CCDC88C: variants seen among roughly 807,000 people sequenced by gnomAD.
The protein encoded by CCDC88C is coiled-coil and HOOK domain protein 88C.
A neutral mutation model predicts 198.8 loss-of-function variants in CCDC88C; 131 were observed. That is an observed-to-expected ratio of 0.66 (90% CI 0.57 to 0.76). The LOEUF (loss-of-function observed/expected upper bound fraction) is 0.76, where lower values mean the gene tolerates loss of function less well. Ranked by LOEUF, CCDC88C falls within the 30% of genes least tolerant of loss-of-function variation. The pLI is 0.00. For synonymous variants in CCDC88C, 1,166 were observed against 1,114.7 expected (o/e 1.05, Z -0.92); for missense variants, 2,553 against 2,631.6 (o/e 0.97, Z 0.65).
At chr14:91,378,839 G>A (rs776699598) in intron 3 of CCDC88C, 21 of 152,206 alleles carry the variant, frequency 1.4e-4, no homozygotes, top group Non-Finnish European at 2.9e-4. Context: ...TTGGACAGCT[G>A]TATAATATTC....
chr14:91,275,604 A>G (rs546842283), intron 29 of CCDC88C, among the ~76,000 whole-genome samples: 1 of 147,568 alleles, frequency 6.8e-6, no homozygotes, highest in Non-Finnish European at 1.5e-5. Flanking sequence ...CAACCTCCCG[A>G]GTAGCTGGGA....
intron 4 of CCDC88C, among the ~76,000 whole-genome samples, chr14:91,350,562 AT>A (rs1893740302): frequency 6.6e-6 from 1 of 152,196 alleles, no homozygotes; most frequent in South Asian, 2.1e-4. Flanking sequence ...GCAGGCAAGC[AT>A]CCCTTTCCCT....
chr14:91,379,611 C>T (rs535439939), intron 3 of CCDC88C: 5 of 569,676 alleles, frequency 8.8e-6, no homozygotes, highest in South Asian at 6.7e-5. Context: ...GGGACGCTGA[C>T]GGTGCCTCCT....
At chr14:91,411,101 A>C (rs962625349) in intron 2 of CCDC88C, among the ~76,000 whole-genome samples, 1 of 152,198 alleles carries the variant, frequency 6.6e-6, no homozygotes, top group Non-Finnish European at 1.5e-5. Flanking sequence ...ACTTACCGTG[A>C]TTATTACGAC....
Position 91,281,497 on chromosome 14 carries a change from C to A in CCDC88C, c.4659G>T (p.Glu1553Asp). The change falls in exon 27 of 30, where the codon GAG becomes GAT. Residue 1553 changes from glutamate (E) to aspartate (D), a missense_variant. Glu to Asp is a conservative substitution (Grantham distance 45, BLOSUM62 2). Coordinates refer to ENST00000389857, the MANE Select transcript of CCDC88C (RefSeq NM_001080414.4). ...KGYNSDDNLC[E>D]PSLEFEVPNH... ...TGGGGACCTCAAACTCCAGGGATGG[C>A]TCACAGAGGTTGTCATCTGAGTTAT... 6.2e-7 allele frequency: 1 copy of A among 1,613,964 alleles called. No individual in the cohort carries two copies. The highest frequency in any genetic ancestry group is 8.5e-7 in the Non-Finnish European group (1 of 1,179,860).
intron 3 of CCDC88C, among the ~76,000 whole-genome samples, chr14:91,394,025 G>C (rs1885688593): frequency 6.6e-6 from 1 of 152,330 alleles, no homozygotes; most frequent in East Asian, 1.9e-4. Flanking sequence ...ACGTAAATCT[G>C]ACTTGCTGGG....
chr14:91,405,645 C>T (rs141077706), intron 3 of CCDC88C, among the ~76,000 whole-genome samples: 45 of 152,284 alleles, frequency 3.0e-4, no homozygotes, highest in African/African-American at 9.6e-4. Flanking sequence ...ATACTACAAA[C>T]GTTAACGGCG....
chr14:91,417,454 G>A (rs1261944006), intron 1 of CCDC88C, 177 bp downstream of exon 1: 4 of 582,774 alleles, frequency 6.9e-6, no homozygotes, highest in Admixed American at 6.7e-5. Flanking sequence ...CGGCTCCAGA[G>A]TTACAAAGCT....
chr14:91,278,046 C>T lies in CCDC88C; in HGVS notation c.4934G>A (p.Gly1645Asp), dbSNP rs1244504007. Residue 1645 changes from glycine (G) to aspartate (D), a missense_variant, in exon 29 of 30, where the codon GGT (glycine) becomes GAT (aspartate). Physicochemically the swap from Gly to Asp is moderately conservative, Grantham distance 94 (BLOSUM62 -1). Around this residue, in one of 2 missense-constraint regions of CCDC88C, gnomAD observed 1,293 missense variants for 1,219.6 expected, o/e 1.06. Transcript: ENST00000389857. ...AGGGGCTGTGCCCCTCTTCTGGGCA[C>T]CCTCCTGTGGGAGAGGCCCGTTCCG... ...LPRNGPLPQEGAQKRGTAPPY... is the reference protein window; with the variant it reads ...LPRNGPLPQEDAQKRGTAPPY... 3 of 1,608,770 alleles carry T rather than the reference C, an allele frequency of 1.9e-6. No individual in the cohort carries two copies. Among genetic ancestry groups the T allele is most frequent in the South Asian group, 1.1e-5 (1 of 90,074 alleles).
intron 3 of CCDC88C, among the ~76,000 whole-genome samples, chr14:91,403,650 T>C (rs780258958): frequency 6.6e-6 from 1 of 152,278 alleles, no homozygotes; most frequent in African/African-American, 2.4e-5. Flanking sequence ...CCAGACGCCG[T>C]GAGCCTTACA....
intron 16 of CCDC88C, among the ~76,000 whole-genome samples, chr14:91,309,402 A>G (rs1282831220): frequency 6.6e-6 from 1 of 152,142 alleles, no homozygotes; most frequent in Non-Finnish European, 1.5e-5. Flanking sequence ...TCAGGAGTTC[A>G]AGACCAGCCT....
chr14:91,349,088 T>C (rs1039017107), intron 4 of CCDC88C, among the ~76,000 whole-genome samples: 1 of 152,174 alleles, frequency 6.6e-6, no homozygotes, highest in Non-Finnish European at 1.5e-5. Flanking sequence ...CAGCAGAAGA[T>C]TCCCTCCTGG....
intron 3 of CCDC88C, among the ~76,000 whole-genome samples, chr14:91,387,904 C>G (rs1885239410): frequency 6.6e-6 from 1 of 152,238 alleles, no homozygotes; most frequent in Non-Finnish European, 1.5e-5. Flanking sequence ...TCGGAATCAC[C>G]TCAGACAACG....
intron 3 of CCDC88C, among the ~76,000 whole-genome samples, chr14:91,375,256 T>C (rs1884327660): frequency 6.6e-6 from 1 of 151,682 alleles, no homozygotes; most frequent in Non-Finnish European, 1.5e-5. Context: ...CATGCGCGCG[T>C]GTCTGTGTGT....
In CCDC88C at chr14:91,339,895, C is replaced by G. The variant is rs1412225543; in HGVS notation, c.613G>C (p.Glu205Gln). ...ACCCGCGGACGCACCTCGGTGCACT[C>G]GTCCCGCTGGTCGATGAGCCTCCGC... is the stretch of plus-strand genomic sequence containing the variant. ...HLRRLIDQRD[E>Q]CTELIVDLTQ... is the part of the protein sequence containing the mutation. Residue 205 changes from glutamate (E) to glutamine (Q), a missense_variant, in exon 7 of 30, where the codon GAG becomes CAG. Physicochemically the swap from Glu to Gln is conservative, Grantham distance 29 (BLOSUM62 2). Around this residue, in one of 2 missense-constraint regions of CCDC88C, gnomAD observed 1,260 missense variants for 1,412.0 expected, o/e 0.89. Coordinates refer to ENST00000389857, the MANE Select transcript of CCDC88C (RefSeq NM_001080414.4). The surrounding 1 kb of genome is among the most constrained non-coding windows in gnomAD (Gnocchi z 5.8). The G allele has an allele frequency of 1.3e-6, 2 of 1,587,506 alleles. No homozygotes were observed. The highest frequency in any genetic ancestry group is 1.3e-5 in the African/African-American group (1 of 74,310).
intron 3 of CCDC88C, among the ~76,000 whole-genome samples, chr14:91,385,178 G>A (rs147520839): frequency 9.0e-4 from 137 of 152,216 alleles, no homozygotes; most frequent in African/African-American, 3.2e-3. Flanking sequence ...CAGAGCCCAC[G>A]TGGAAAGTGT....
chr14:91,401,772 C>G (rs1253318701), intron 3 of CCDC88C, among the ~76,000 whole-genome samples: 3 of 152,198 alleles, frequency 2.0e-5, no homozygotes, highest in African/African-American at 7.2e-5. Context: ...TCTGCAAATT[C>G]TGTACAACGT....
chr14:91,279,363 T>C (rs1198734838), intron 27 of CCDC88C, 57 bp from the exon 28 acceptor site: 2 of 1,415,546 alleles, frequency 1.4e-6, no homozygotes, highest in Non-Finnish European at 1.9e-6. Context: ...ATATCCCAGA[T>C]GAGCCATCTA....
intron 29 of CCDC88C, among the ~76,000 whole-genome samples, chr14:91,275,839 T>TTGG (rs1889936861): frequency 7.6e-6 from 1 of 131,650 alleles, no homozygotes; most frequent in Non-Finnish European, 1.6e-5. Flanking sequence ...TTTTTTTTTT[T>TTGG]GAGACGGAGT....
Sources: allele counts gnomAD v4.1 joint callset (sites outside exome capture counted in the v4.1 genomes callset), GRCh38; gene constraint gnomAD v4.1.1; regional missense constraint gnomAD v4.1.1; non-coding constraint Gnocchi (gnomAD v3.1); transcripts MANE v1.5; gene names NCBI Gene and HGNC (gene_info 2026-07-23, HGNC 2026-07-21).